Variants in SIPA1L3 observed in about 807,000 individuals in gnomAD.
SIPA1L3 encodes signal-induced proliferation-associated 1-like protein 3.
Under a neutral mutation model 150.1 loss-of-function variants are expected in SIPA1L3, and 59 were observed. The ratio of observed to expected loss-of-function variants is 0.39; its 90% confidence interval spans 0.32 to 0.49. The LOEUF (loss-of-function observed/expected upper bound fraction) is 0.49, where lower values mean the gene tolerates loss of function less well. SIPA1L3 is among the 20% of genes least tolerant of loss of function. The probability of loss-of-function intolerance (pLI) is 0.86; values close to 1 mark genes in which losing one functional copy is unlikely to be tolerated. For synonymous variants in SIPA1L3, 1,070 were observed against 1,077.6 expected (o/e 0.99, Z 0.14); for missense variants, 2,211 against 2,489.5 (o/e 0.89, Z 2.38).
chr19:37,963,163 C>T (rs1174779885), intron 1 of SIPA1L3, among the ~76,000 whole-genome samples: 1 of 151,126 alleles, frequency 6.6e-6, no homozygotes, highest in Non-Finnish European at 1.5e-5. Flanking sequence ...TTTTTTTTTC[C>T]AAGCAGTTCC....
intron 15 of SIPA1L3, among the ~76,000 whole-genome samples, chr19:38,171,898 GAGGTAGGTAGGT>G (rs1011508358): frequency 7.9e-5 from 12 of 152,204 alleles, no homozygotes; most frequent in African/African-American, 2.9e-4. Context: ...CAAGGCCCTG[GAGGTAGGTAGGT>G]AGGTAGGCAG....
At chr19:38,070,549 T>C (rs1969693861) in intron 2 of SIPA1L3, among the ~76,000 whole-genome samples, 1 of 152,132 alleles carries the variant, frequency 6.6e-6, no homozygotes, top group Non-Finnish European at 1.5e-5. Flanking sequence ...AATGAATGGA[T>C]TTCGAGTGTT....
chr19:38,018,555 A>G (rs1368847995), intron 1 of SIPA1L3, among the ~76,000 whole-genome samples: 3 of 151,856 alleles, frequency 2.0e-5, no homozygotes, highest in African/African-American at 7.3e-5. Context: ...ACTCAACATC[A>G]TGTTTTCATG....
At chr19:37,932,096 A>G (rs2046559417) in intron 1 of SIPA1L3, among the ~76,000 whole-genome samples, 1 of 152,196 alleles carries the variant, frequency 6.6e-6, no homozygotes, top group Non-Finnish European at 1.5e-5. Context: ...ATTAAGCTGC[A>G]TTGCCTCTGT....
At chr19:38,127,918 T>G (rs1271672519) in intron 9 of SIPA1L3, among the ~76,000 whole-genome samples, 1 of 152,052 alleles carries the variant, frequency 6.6e-6, no homozygotes, top group Non-Finnish European at 1.5e-5. Context: ...TTCTTCGCAT[T>G]TCTGGAGGCC....
intron 1 of SIPA1L3, among the ~76,000 whole-genome samples, chr19:37,975,124 C>T (rs566243035): frequency 2.2e-4 from 34 of 152,316 alleles, no homozygotes; most frequent in Middle Eastern, 3.4e-3. Context: ...AAATCCCGGC[C>T]GTCGTGGAAC....
At chr19:38,052,666 C>T (rs1969223806) in intron 2 of SIPA1L3, among the ~76,000 whole-genome samples, 1 of 152,226 alleles carries the variant, frequency 6.6e-6, no homozygotes, top group Non-Finnish European at 1.5e-5. Context: ...GTCAGGGGCA[C>T]CTCATTTAGT....
chr19:38,067,260 C>A (rs1406016116), intron 2 of SIPA1L3, among the ~76,000 whole-genome samples: 4 of 152,114 alleles, frequency 2.6e-5, no homozygotes, highest in African/African-American at 7.2e-5. Context: ...CTAACTTATT[C>A]TTTCTATTCC....
intron 2 of SIPA1L3, among the ~76,000 whole-genome samples, chr19:38,042,391 CAACT>C (rs1968945840): frequency 6.6e-6 from 1 of 152,156 alleles, no homozygotes; most frequent in South Asian, 2.1e-4. Context: ...GTGATGCCTC[CAACT>C]TTTTATTTCG....
intron 1 of SIPA1L3, among the ~76,000 whole-genome samples, chr19:37,977,126 C>T (rs1013412924): frequency 6.6e-6 from 1 of 151,548 alleles, no homozygotes; most frequent in Admixed American, 6.6e-5. Flanking sequence ...CATGAGCCAC[C>T]TCACCCACCT....
At chr19:37,992,637 T>C (rs1643457) in intron 1 of SIPA1L3, among the ~76,000 whole-genome samples, 115,511 of 150,976 alleles carry the variant, frequency 0.77, 44,506 homozygotes, top group East Asian at 0.97. Flanking sequence ...GGCAACAAAG[T>C]GACACTCTGT....
chr19:38,181,934 T>C (rs996289707), intron 15 of SIPA1L3, among the ~76,000 whole-genome samples: 2 of 151,132 alleles, frequency 1.3e-5, no homozygotes, highest in African/African-American at 4.9e-5. Context: ...GGCGGATTGC[T>C]TGAGCCCAGG....
intron 4 of SIPA1L3, among the ~76,000 whole-genome samples, chr19:38,090,448 G>A (rs1237238425): frequency 6.6e-6 from 1 of 152,070 alleles, no homozygotes. Flanking sequence ...AGAGGAAACT[G>A]CCCGGTCTAG....
chr19:38,105,784 A>C (rs1240648546), intron 6 of SIPA1L3, among the ~76,000 whole-genome samples: 1 of 152,176 alleles, frequency 6.6e-6, no homozygotes, highest in Non-Finnish European at 1.5e-5. Flanking sequence ...CACAGTGTGA[A>C]TTGACCAGTG....
intron 1 of SIPA1L3, among the ~76,000 whole-genome samples, chr19:38,013,320 A>G (rs1161094946): frequency 6.6e-6 from 1 of 152,222 alleles, no homozygotes; most frequent in Non-Finnish European, 1.5e-5. Flanking sequence ...GGAGAAAAAT[A>G]TAGAGGATTA....
At chr19:38,201,825 C>T in intron 19 of SIPA1L3, 37 bp from the exon 20 acceptor site, 1 of 1,564,244 alleles carries the variant, frequency 6.4e-7, no homozygotes, top group Non-Finnish European at 8.6e-7. Context: ...AGCCGGGAGC[C>T]TTGCTGACCC....
intron 12 of SIPA1L3, among the ~76,000 whole-genome samples, chr19:38,144,560 A>G (rs1312183954): frequency 6.6e-6 from 1 of 152,242 alleles, no homozygotes; most frequent in Non-Finnish European, 1.5e-5. Context: ...ACCAGGGACC[A>G]TTCTCTGAGA....
intron 13 of SIPA1L3, among the ~76,000 whole-genome samples, chr19:38,157,370 G>C (rs1051681333): frequency 1.3e-5 from 2 of 152,196 alleles, no homozygotes; most frequent in Admixed American, 1.3e-4. Flanking sequence ...ACTGCCCCCG[G>C]TTAGAGAGGA....
At chr19:37,966,277 C>A (rs1427383451) in intron 1 of SIPA1L3, among the ~76,000 whole-genome samples, 1 of 152,212 alleles carries the variant, frequency 6.6e-6, no homozygotes, top group Non-Finnish European at 1.5e-5. Flanking sequence ...CAGCTTGCCA[C>A]AGTGGCCTCG....
Sources: gnomAD v4.1 joint callset for allele counts (sites outside exome capture counted in the v4.1 genomes callset) on GRCh38, gnomAD v4.1.1 for gene constraint, MANE v1.5 for transcripts, NCBI Gene and HGNC (gene_info 2026-07-23, HGNC 2026-07-21) for gene names.